RPS6KC1: variants seen among roughly 807,000 people sequenced by gnomAD.
RPS6KC1 encodes the protein ribosomal protein S6 kinase C1, also known as inactive ribosomal protein S6 kinase delta-1.
In RPS6KC1, 54 loss-of-function variants were observed where a neutral mutation model predicts 103.8. The observed-to-expected ratio is 0.52, with a 90% CI of 0.42 to 0.65. The LOEUF (loss-of-function observed/expected upper bound fraction) is 0.65, where lower values mean the gene tolerates loss of function less well. RPS6KC1 is among the 30% of genes least tolerant of loss of function. The pLI is 0.00. For missense variants in RPS6KC1, 1,151 were observed against 1,253.8 expected (o/e 0.92, Z 1.24); for synonymous variants, 439 against 438.7 (o/e 1.00, Z -0.01).
chr1:213,184,241 A>G lies in RPS6KC1; in HGVS notation c.1044+7749A>G, dbSNP rs147499542. ...AAGAAAGAGAAACAGTTTCCAGTTC[A>G]TTTTATGAGACCAGTATTACTCTGA... On this transcript the variant is annotated intron_variant, in intron 8 of 14. Coordinates refer to ENST00000366960, the MANE Select transcript of RPS6KC1 (RefSeq NM_012424.6). Among the ~76,000 whole-genome samples the G allele has an allele frequency of 3.7e-3, 562 of 152,240 alleles. 4 individuals carry two copies. The highest frequency in any genetic ancestry group is 0.012 in the African/African-American group (511 of 41,574).
chr1:213,147,169 A>G (rs1401396229), intron 6 of RPS6KC1, among the ~76,000 whole-genome samples: 1 of 151,964 alleles, frequency 6.6e-6, no homozygotes, highest in African/African-American at 2.4e-5. Flanking sequence ...TGATTGTATC[A>G]TTTGCTGTGC....
At chr1:213,808,861 G>A in the RPS6KC1 span, among the ~76,000 whole-genome samples, 726 of 152,300 alleles carry the variant, frequency 4.8e-3, 8 homozygotes, top group African/African-American at 0.017. Flanking sequence ...GAAATCACCC[G>A]TCTTCTGCAT....
intron 8 of RPS6KC1, among the ~76,000 whole-genome samples, chr1:213,182,615 T>G (rs1434577426): frequency 6.6e-6 from 1 of 151,508 alleles, no homozygotes; most frequent in Non-Finnish European, 1.5e-5. Context: ...ACATGCAAAC[T>G]TAAGCCCTAA....
the RPS6KC1 span, among the ~76,000 whole-genome samples, chr1:213,292,663 T>C: frequency 6.6e-6 from 1 of 152,192 alleles, no homozygotes; most frequent in East Asian, 1.9e-4. Flanking sequence ...ATTTTATATA[T>C]TTTTTTCTCC....
intron 12 of RPS6KC1, among the ~76,000 whole-genome samples, chr1:213,254,223 T>A (rs1279926453): frequency 1.3e-5 from 2 of 152,228 alleles, no homozygotes; most frequent in Admixed American, 6.5e-5. Context: ...AATATCAGAA[T>A]ACTGAAGTGA....
chr1:213,794,084 G>T, the RPS6KC1 span, among the ~76,000 whole-genome samples: 1 of 152,302 alleles, frequency 6.6e-6, no homozygotes, highest in Middle Eastern at 3.4e-3. Context: ...GATTTACACA[G>T]AATCTGATAG....
At chr1:213,323,774 T>C in the RPS6KC1 span, among the ~76,000 whole-genome samples, 1 of 152,184 alleles carries the variant, frequency 6.6e-6, no homozygotes, top group Non-Finnish European at 1.5e-5. Context: ...TTTCATTTAC[T>C]CCGTGACCCT....
At chr1:213,385,643 T>G in the RPS6KC1 span, among the ~76,000 whole-genome samples, 1 of 152,206 alleles carries the variant, frequency 6.6e-6, no homozygotes, top group Admixed American at 6.5e-5. Context: ...TGGACCTATG[T>G]ACTGACTTGG....
chr1:213,082,808 TAAG>T (rs766869863), intron 3 of RPS6KC1, among the ~76,000 whole-genome samples: 2 of 152,146 alleles, frequency 1.3e-5, no homozygotes, highest in Non-Finnish European at 2.9e-5. Context: ...GTACTAAAAT[TAAG>T]AAATGACTTC....
At chr1:213,384,964 A>G in the RPS6KC1 span, among the ~76,000 whole-genome samples, 1 of 152,134 alleles carries the variant, frequency 6.6e-6, no homozygotes, top group Non-Finnish European at 1.5e-5. Context: ...TTAGGGTCAT[A>G]TGTTTTACTG....
At chr1:213,415,899 T>C in the RPS6KC1 span, among the ~76,000 whole-genome samples, 1 of 152,254 alleles carries the variant, frequency 6.6e-6, no homozygotes, top group Non-Finnish European at 1.5e-5. Flanking sequence ...ACTCGGCAGA[T>C]GACATGCTCA....
chr1:213,845,428 G>T, the RPS6KC1 span, among the ~76,000 whole-genome samples: 1 of 152,100 alleles, frequency 6.6e-6, no homozygotes, highest in East Asian at 1.9e-4. Context: ...TTTGATTTGG[G>T]TCCTGTATCA....
chr1:213,495,052 C>G, the RPS6KC1 span, among the ~76,000 whole-genome samples: 15 of 152,132 alleles, frequency 9.9e-5, no homozygotes, highest in African/African-American at 3.6e-4. Context: ...TACAGCCCAG[C>G]CTTGTGGTCT....
intron 8 of RPS6KC1, among the ~76,000 whole-genome samples, chr1:213,227,970 G>A (rs1010993166): frequency 6.6e-6 from 1 of 152,022 alleles, no homozygotes; most frequent in African/African-American, 2.4e-5. Context: ...AACATAACAC[G>A]TTCACAAATG....
the RPS6KC1 span, among the ~76,000 whole-genome samples, chr1:213,627,360 A>G: frequency 6.6e-6 from 1 of 152,182 alleles, no homozygotes; most frequent in East Asian, 1.9e-4. Flanking sequence ...CAATCATGTC[A>G]TCTGCAAACA....
intron 8 of RPS6KC1, among the ~76,000 whole-genome samples, chr1:213,199,748 G>A (rs1383289716): frequency 6.6e-6 from 1 of 152,154 alleles, no homozygotes; most frequent in Non-Finnish European, 1.5e-5. Context: ...CATAGTCTCA[G>A]CCCAAAAGCT....
chr1:213,171,330 A>G (rs551480357), intron 7 of RPS6KC1, among the ~76,000 whole-genome samples: 1 of 151,752 alleles, frequency 6.6e-6, no homozygotes, highest in Non-Finnish European at 1.5e-5. Context: ...TTGAATCTTA[A>G]CTGAAGGAGA....
At chr1:213,831,885 C>T in the RPS6KC1 span, among the ~76,000 whole-genome samples, 4 of 152,126 alleles carry the variant, frequency 2.6e-5, no homozygotes, top group Non-Finnish European at 5.9e-5. Context: ...CAGTGTCAGC[C>T]CCTACCTGGC....
chr1:213,241,603 A>T lies in RPS6KC1; in HGVS notation c.2127A>T (p.Gly709=). 1 of 1,613,934 alleles carries T rather than the reference A, an allele frequency of 6.2e-7. No individual in the cohort carries two copies. Among genetic ancestry groups the T allele is most frequent in the Non-Finnish European group, 8.5e-7 (1 of 1,179,918 alleles). The change falls in exon 11 of 15, where the codon GGA becomes GGT. Residue 709 remains glycine, a synonymous_variant. Transcript: ENST00000366960. ...CAACAAGAGAAGCTGCAGCAATGGG[A>T]CCTACTAAGTTTACACAAACTAATA... The part of the protein sequence containing the change: ...LESTREAAAM[G]PTKFTQTNIG...
Sources: allele counts gnomAD v4.1 joint callset (sites outside exome capture counted in the v4.1 genomes callset), GRCh38; gene constraint gnomAD v4.1.1; transcripts MANE v1.5; gene names NCBI Gene and HGNC (gene_info 2026-07-23, HGNC 2026-07-21).